Variants in LMOD1 observed in about 807,000 individuals in gnomAD.
LMOD1 encodes the protein leiomodin-1.
In LMOD1, 8 loss-of-function variants were observed where a neutral mutation model predicts 36.5. The observed-to-expected ratio is 0.22, with a 90% CI of 0.13 to 0.40. The LOEUF (loss-of-function observed/expected upper bound fraction) is 0.40, where lower values mean the gene tolerates loss of function less well. Ranked by LOEUF, LMOD1 falls within the 10% of genes least tolerant of loss-of-function variation. The pLI is 1.00. For synonymous variants in LMOD1, 284 were observed against 288.7 expected, an observed-to-expected ratio of 0.98 and a Z score of 0.17; for missense variants, 630 against 751.1, an observed-to-expected ratio of 0.84 and a Z score of 1.88.
chr1:201,900,630 C>A lies in LMOD1; in HGVS notation c.383G>T (p.Gly128Val). The A allele has an allele frequency of 6.2e-7, 1 of 1,613,934 alleles. No homozygotes were observed. The highest frequency in any genetic ancestry group is 8.5e-7 in the Non-Finnish European group (1 of 1,179,908). The change falls in exon 2 of 3, where the codon GGT (glycine) becomes GTT (valine). Residue 128 changes from glycine (G) to valine (V), a missense_variant. Physicochemically the swap from Gly to Val is moderately radical, Grantham distance 109. This residue lies in a region of LMOD1 where 405 missense variants were observed against 400.6 expected (regional missense o/e 1.01). Coordinates refer to ENST00000367288, the MANE Select transcript of LMOD1 (RefSeq NM_012134.3). ...TCTAGAGAAGCTTTTCTTTAAACCA[C>A]CCCTCTTTGGCTCCTTCCCCAGATC... ...DSDLGKEPKRGGLKKSFSRDR... is the reference protein window; with the variant it reads ...DSDLGKEPKRVGLKKSFSRDR...
chr1:201,922,455 C>A (rs1007821636), intron 1 of LMOD1, among the ~76,000 whole-genome samples: 12 of 152,074 alleles, frequency 7.9e-5, no homozygotes, highest in African/African-American at 2.7e-4. Flanking sequence ...ACCTTGAAAA[C>A]ATAACTGAAA....
At chr1:201,914,074 C>T (rs1175405548) in intron 1 of LMOD1, among the ~76,000 whole-genome samples, 1 of 152,260 alleles carries the variant, frequency 6.6e-6, no homozygotes, top group East Asian at 1.9e-4. Flanking sequence ...GCACCACCCA[C>T]CTTGACTGCT....
chr1:201,900,373 C>A lies in LMOD1; in HGVS notation c.640G>T (p.Val214Leu), dbSNP rs1264157450. The A allele has an allele frequency of 2.4e-5, 37 of 1,556,894 alleles. No individual in the cohort carries two copies. Among genetic ancestry groups the A allele is most frequent in the Non-Finnish European group, 3.0e-5 (35 of 1,148,316 alleles). Reference sequence around the variant, plus strand: ...TTCTCATCATCCTCTTTCTTGGCCACCTCCTTCATCTCCTCTCTCTTTTTA... The same window carrying A: ...TTCTCATCATCCTCTTTCTTGGCCAACTCCTTCATCTCCTCTCTCTTTTTA... ...KDKKREEMKE[V>L]AKKEDDEKVK... is the part of the protein sequence containing the mutation. The change falls in exon 2 of 3, where the codon GTG becomes TTG. Residue 214 changes from valine (V) to leucine (L), a missense_variant. Physicochemically the swap from Val to Leu is conservative, Grantham distance 32. Around this residue, in one of 3 missense-constraint regions of LMOD1, gnomAD observed 405 missense variants for 400.6 expected, o/e 1.01. Coordinates refer to ENST00000367288, the MANE Select transcript of LMOD1 (RefSeq NM_012134.3).
In LMOD1 at chr1:201,896,724, C is replaced by T; in HGVS notation, c.*1648G>A. Reference sequence around the variant, plus strand: ...TCCAGGAGCCAGTGTGTGTCTGTCTCCTCTCCTCTGGGCCCAGTGATTGCT... The same window carrying T: ...TCCAGGAGCCAGTGTGTGTCTGTCTTCTCTCCTCTGGGCCCAGTGATTGCT... On this transcript the variant is annotated 3_prime_UTR_variant, in exon 3 of 3. Transcript: ENST00000367288. 2.2e-6 allele frequency: 1 copy of T among 456,386 alleles called. No homozygotes were observed. The highest frequency in any genetic ancestry group is 3.6e-4 in the Middle Eastern group (1 of 2,810). 28.3% of individuals were successfully genotyped at this position (456,386 alleles called of 1,614,324 possible).
At chr1:201,924,668 AGAAAG>A (rs1681788523) in intron 1 of LMOD1, among the ~76,000 whole-genome samples, 1 of 4,920 alleles carries the variant, frequency 2.0e-4, no homozygotes, top group African/African-American at 5.5e-4. Flanking sequence ...AAGAAAAAAA[AGAAAG>A]AAAGAAAGAA....
intron 1 of LMOD1, among the ~76,000 whole-genome samples, chr1:201,924,932 C>T (rs184677313): frequency 1.6e-3 from 247 of 152,016 alleles, no homozygotes; most frequent in Middle Eastern, 3.4e-3. Flanking sequence ...CAAGATATTC[C>T]GGCTGAGCGT....
chr1:201,899,533 CCTT>C lies in LMOD1; in HGVS notation c.1477_1479del (p.Lys493del), dbSNP rs767108410. The C allele has an allele frequency of 2.9e-4, 470 of 1,613,914 alleles. No individual in the cohort carries two copies. Among genetic ancestry groups the C allele is most frequent in the Admixed American group, 2.7e-3 (160 of 60,024 alleles). ...CCGGCCTTGGGTACCTCCAGCAGAT[CCTT>C]CTTCTCTCCCTTGGCTTCCTGTGCC... On this transcript the variant is annotated inframe_deletion, in exon 2 of 3. Coordinates refer to ENST00000367288, the MANE Select transcript of LMOD1 (RefSeq NM_012134.3). This position sits in a 1 kb window ranked among gnomAD's most constrained non-coding sequence, Gnocchi z 6.3.
At chr1:201,903,830 C>T (rs895632060) in intron 1 of LMOD1, among the ~76,000 whole-genome samples, 2 of 152,212 alleles carry the variant, frequency 1.3e-5, no homozygotes, top group African/African-American at 4.8e-5. Flanking sequence ...GCCCACTGTG[C>T]ACTGCATAGC....
At chr1:201,921,719 G>A (rs1035212593) in intron 1 of LMOD1, among the ~76,000 whole-genome samples, 7 of 151,924 alleles carry the variant, frequency 4.6e-5, no homozygotes, top group Non-Finnish European at 8.8e-5. Context: ...CCAGCACTTT[G>A]GGAGGCTGAG....
Position 201,898,368 on chromosome 1 carries a change from G to C in LMOD1, c.*4C>G. ...ATTGGCAGATGGTGCCTGGCAGCCT[G>C]GTCCTACTGAAGCAGTTTGGGCACT... On this transcript the variant is annotated 3_prime_UTR_variant, in exon 3 of 3. Transcript: ENST00000367288. The C allele has an allele frequency of 1.2e-6, 2 of 1,612,658 alleles. No individual in the cohort carries two copies. The highest frequency in any genetic ancestry group is 8.5e-7 in the Non-Finnish European group (1 of 1,179,428).
At chr1:201,900,863 G>A (rs1681288927) in intron 1 of LMOD1, 112 bp from the exon 2 acceptor site, 1 of 926,312 alleles carries the variant, frequency 1.1e-6, no homozygotes, top group South Asian at 1.8e-5. Context: ...GCCTCTGAAG[G>A]ACAGTTGTGC....
rs377293798 is a variant in LMOD1, at chr1:201,908,547, CAG to C, written c.262-7798_262-7797del. Among the ~76,000 whole-genome samples, 15 of 152,290 alleles carry C rather than the reference CAG, an allele frequency of 9.8e-5. No homozygotes were observed. The East Asian group carries it at 1.5e-3, about 16-fold the overall frequency. ...GGAGCACAGTTAATCCCCTGAAAAA[CAG>C]GGGCTCAACACAGAATTCCTAATTT... On this transcript the variant is annotated intron_variant, in intron 1 of 2. Transcript: ENST00000367288.
chr1:201,901,143 C>T (rs568448476), intron 1 of LMOD1, among the ~76,000 whole-genome samples: 23 of 152,312 alleles, frequency 1.5e-4, no homozygotes, highest in African/African-American at 5.5e-4. Context: ...AATACTAACA[C>T]TGATCCTGTC....
At chr1:201,901,964 T>G (rs1196920224) in intron 1 of LMOD1, among the ~76,000 whole-genome samples, 1 of 113,210 alleles carries the variant, frequency 8.8e-6, no homozygotes, top group African/African-American at 3.6e-5. Context: ...GTTATTATTA[T>G]TATTTTTTTT....
chr1:201,921,377 A>C (rs2102920274), intron 1 of LMOD1, among the ~76,000 whole-genome samples: 1 of 150,314 alleles, frequency 6.7e-6, no homozygotes, highest in East Asian at 2.0e-4. Flanking sequence ...AGTCCCAGCT[A>C]CTCGTGAGGC....
intron 1 of LMOD1, among the ~76,000 whole-genome samples, chr1:201,922,082 C>T (rs1198576403): frequency 6.6e-6 from 1 of 152,262 alleles, no homozygotes; most frequent in East Asian, 1.9e-4. Context: ...ATCAAAAAGA[C>T]AGACAATAAT....
intron 1 of LMOD1, among the ~76,000 whole-genome samples, chr1:201,928,224 C>G (rs952908057): frequency 6.6e-6 from 1 of 152,148 alleles, no homozygotes; most frequent in East Asian, 1.9e-4. Context: ...TTTTTTATAG[C>G]AGCACAAAAT....
At chr1:201,917,031 G>A (rs1053457772) in intron 1 of LMOD1, among the ~76,000 whole-genome samples, 61 of 152,286 alleles carry the variant, frequency 4.0e-4, no homozygotes, top group Middle Eastern at 3.4e-3. Flanking sequence ...AGGAGTGAAC[G>A]CCACCATCTC....
rs779401033 is a variant in LMOD1, at chr1:201,896,863, C to T, written c.*1509G>A. 4 of 370,880 alleles carry T rather than the reference C, an allele frequency of 1.1e-5. No homozygotes were observed. Among genetic ancestry groups the T allele is most frequent in the Non-Finnish European group, 2.2e-5 (4 of 184,584 alleles). 23.0% of individuals were successfully genotyped at this position (370,880 alleles called of 1,614,324 possible). ...GCCCTCTGGTTTTGGTCAGACCTAG[C>T]ACAGCGATCTTGCTTCCTAGCTGGG... On this transcript the variant is annotated 3_prime_UTR_variant, in exon 3 of 3. Coordinates refer to ENST00000367288, the MANE Select transcript of LMOD1 (RefSeq NM_012134.3).
Sources: allele counts gnomAD v4.1 joint callset (sites outside exome capture counted in the v4.1 genomes callset), GRCh38; gene constraint gnomAD v4.1.1; regional missense constraint gnomAD v4.1.1; non-coding constraint Gnocchi (gnomAD v3.1); transcripts MANE v1.5; gene names NCBI Gene and HGNC (gene_info 2026-07-23, HGNC 2026-07-21).